Variants in PPM1E observed in about 807,000 individuals in gnomAD.
PPM1E encodes protein phosphatase 1E.
PPM1E carries 20 observed loss-of-function variants against 65.9 expected under a neutral mutation model. That is an observed-to-expected ratio of 0.30 (90% CI 0.21 to 0.44). PPM1E has a LOEUF of 0.44. Ranked by LOEUF, PPM1E falls within the 20% of genes least tolerant of loss-of-function variation. The pLI is 1.00. For missense variants in PPM1E, 713 were observed against 953.1 expected (o/e 0.75, Z 3.32); for synonymous variants, 352 against 374.9 (o/e 0.94, Z 0.70).
At chr17:58,960,632 T>C (rs1722256543) in intron 2 of PPM1E, among the ~76,000 whole-genome samples, 1 of 151,098 alleles carries the variant, frequency 6.6e-6, no homozygotes, top group South Asian at 2.1e-4. Context: ...AAAATTAGCT[T>C]GATGTGGTGG....
chr17:58,879,299 T>C (rs2051162968), intron 1 of PPM1E, among the ~76,000 whole-genome samples: 2 of 149,822 alleles, frequency 1.3e-5, no homozygotes, highest in East Asian at 3.9e-4. Flanking sequence ...TATAATATTT[T>C]ATATATATAA....
chr17:58,836,459 A>C (rs76042644), intron 1 of PPM1E, among the ~76,000 whole-genome samples: 30 of 147,932 alleles, frequency 2.0e-4, no homozygotes, highest in African/African-American at 7.2e-4. Flanking sequence ...CTGTCTTTAC[A>C]AAAAAAAAAT....
chr17:58,897,322 G>A (rs1598636659), intron 1 of PPM1E, among the ~76,000 whole-genome samples: 1 of 151,908 alleles, frequency 6.6e-6, no homozygotes, highest in Non-Finnish European at 1.5e-5. Context: ...GCTGAGGCAG[G>A]AGAATGGCGT....
chr17:58,962,248 C>T (rs1393855674), intron 2 of PPM1E, among the ~76,000 whole-genome samples: 1 of 149,576 alleles, frequency 6.7e-6, no homozygotes, highest in East Asian at 2.0e-4. Context: ...TGTGCCATTG[C>T]ACTCCAGCCT....
intron 1 of PPM1E, among the ~76,000 whole-genome samples, chr17:58,831,746 T>C (rs2050608225): frequency 6.6e-6 from 1 of 152,218 alleles, no homozygotes; most frequent in Non-Finnish European, 1.5e-5. Flanking sequence ...TTCTCTGTTC[T>C]GGTATGTTAA....
chr17:58,786,414 A>C lies in PPM1E; in HGVS notation c.464+29953A>C, dbSNP rs148629015. Reference sequence around the variant, plus strand: ...ATTTGGGACCATTATTAAGTAAAATAAGAGTTCCTTGAATACAAACATTGC... The same window carrying C: ...ATTTGGGACCATTATTAAGTAAAATCAGAGTTCCTTGAATACAAACATTGC... On this transcript the variant is annotated intron_variant, in intron 1 of 6. Transcript: ENST00000308249. 1.2e-3 allele frequency among the ~76,000 whole-genome samples: 190 copies of C among 152,302 alleles called. 2 individuals are homozygous for C. The highest frequency in any genetic ancestry group is 1.9e-3 in the Non-Finnish European group (131 of 68,036).
chr17:58,963,427 G>A (rs1384256300), intron 2 of PPM1E, among the ~76,000 whole-genome samples: 9 of 150,166 alleles, frequency 6.0e-5, no homozygotes, highest in Non-Finnish European at 1.0e-4. Context: ...AGTGGCTCAC[G>A]CCTGTAATCC....
At chr17:58,893,595 T>C (rs2051375254) in intron 1 of PPM1E, among the ~76,000 whole-genome samples, 1 of 152,208 alleles carries the variant, frequency 6.6e-6, no homozygotes, top group African/African-American at 2.4e-5. Context: ...GTGTAAACTA[T>C]GGACTTTGGG....
chr17:58,941,226 A>G (rs2052061831), intron 1 of PPM1E, among the ~76,000 whole-genome samples: 1 of 152,228 alleles, frequency 6.6e-6, no homozygotes, highest in African/African-American at 2.4e-5. Flanking sequence ...GGAAGGAGAC[A>G]TGGTAACATT....
chr17:58,807,915 C>T (rs1380977083), intron 1 of PPM1E, among the ~76,000 whole-genome samples: 5 of 152,132 alleles, frequency 3.3e-5, no homozygotes, highest in African/African-American at 7.2e-5. Context: ...TGTAAAGGAA[C>T]GTGAACCCTC....
chr17:58,837,499 C>CTTTT (rs570230875), intron 1 of PPM1E, among the ~76,000 whole-genome samples: 3 of 131,282 alleles, frequency 2.3e-5, no homozygotes, highest in African/African-American at 8.5e-5. Flanking sequence ...AATCATGAGG[C>CTTTT]TTTTTTTTTT....
intron 1 of PPM1E, among the ~76,000 whole-genome samples, chr17:58,877,267 C>T (rs2051138353): frequency 6.6e-6 from 1 of 152,068 alleles, no homozygotes; most frequent in African/African-American, 2.4e-5. Flanking sequence ...GTTTTTTCCT[C>T]ATTGTTAATG....
In PPM1E at chr17:58,818,595, G is replaced by T. The variant is rs188316511; in HGVS notation, c.464+62134G>T. ...TTACTTAGTGTAAACTTTTGATATA[G>T]ACCCCAAGTTCATTATTTGCTTGGT... On this transcript the variant is annotated intron_variant, in intron 1 of 6. Transcript: ENST00000308249. 1.8e-4 allele frequency among the ~76,000 whole-genome samples: 28 copies of T among 152,142 alleles called. No individual in the cohort carries two copies. The South Asian group carries it at 5.8e-3, about 32-fold the overall frequency.
chr17:58,859,946 G>C (rs2050921156), intron 1 of PPM1E, among the ~76,000 whole-genome samples: 1 of 152,166 alleles, frequency 6.6e-6, no homozygotes, highest in Admixed American at 6.5e-5. Context: ...GATAGCTCAG[G>C]TTTCCCCTTG....
intron 1 of PPM1E, among the ~76,000 whole-genome samples, chr17:58,918,343 T>G (rs908723108): frequency 6.6e-6 from 1 of 152,146 alleles, no homozygotes; most frequent in Non-Finnish European, 1.5e-5. Flanking sequence ...GGGCATATCG[T>G]TTTTATCAGG....
At chr17:58,927,386 T>C (rs1322630160) in intron 1 of PPM1E, among the ~76,000 whole-genome samples, 1 of 152,046 alleles carries the variant, frequency 6.6e-6, no homozygotes, top group Non-Finnish European at 1.5e-5. Context: ...CGCCTTGGCC[T>C]CCCAAAGTGC....
intron 3 of PPM1E, chr17:58,966,775 G>C (rs1413898664): frequency 1.3e-5 from 2 of 152,832 alleles, no homozygotes; most frequent in Non-Finnish European, 2.9e-5. Flanking sequence ...CTTCACTCAA[G>C]TCCATAACTT....
intron 1 of PPM1E, among the ~76,000 whole-genome samples, chr17:58,888,421 G>A (rs1400852967): frequency 1.5e-5 from 2 of 137,000 alleles, no homozygotes; most frequent in African/African-American, 5.6e-5. Flanking sequence ...CTAGAGTGCA[G>A]AGGCTCAATC....
chr17:58,756,351 G>T lies in PPM1E; in HGVS notation c.354G>T (p.Pro118=). The change falls in exon 1 of 7, where the codon CCG becomes CCT. Residue 118 remains proline, a synonymous_variant. Coordinates refer to ENST00000308249, the MANE Select transcript of PPM1E (RefSeq NM_014906.5). ...GGCACTCGGCCGTGCCGCCGCCGCC[G>T]CCCCAGCTGCCGCCTTTGCCCCCGC... is the stretch of plus-strand genomic sequence containing the variant. ...APGHSAVPPP[P]PQLPPLPPLP... The T allele has an allele frequency of 7.3e-7, 1 of 1,378,352 alleles. No individual in the cohort carries two copies. Among genetic ancestry groups the T allele is most frequent in the African/African-American group, 1.5e-5 (1 of 65,244 alleles). The allele number at this position is 1,378,352 out of a possible 1,614,324, so 85.4% of individuals were successfully genotyped here.
Sources: allele counts gnomAD v4.1 joint callset (sites outside exome capture counted in the v4.1 genomes callset), GRCh38; gene constraint gnomAD v4.1.1; transcripts MANE v1.5; gene names NCBI Gene and HGNC (gene_info 2026-07-23, HGNC 2026-07-21).